Variants in WWOX observed in about 807,000 individuals in gnomAD.
WWOX encodes WW domain containing oxidoreductase, also known as WW domain-containing oxidoreductase.
A neutral mutation model predicts 46.2 loss-of-function variants in WWOX; 69 were observed. The observed-to-expected ratio is 1.49, with a 90% CI of 1.23 to 1.82. WWOX has a LOEUF of 1.82. Among genes scored for constraint, WWOX ranks in the 40% most tolerant of loss-of-function variants. The pLI, the probability that WWOX is intolerant of heterozygous loss-of-function variation, is 0.00. For missense variants in WWOX, 919 were observed against 542.6 expected, an observed-to-expected ratio of 1.69 and a Z score of -6.89; for synonymous variants, 359 against 202.6, an observed-to-expected ratio of 1.77 and a Z score of -6.56.
intron 5 of WWOX, among the ~76,000 whole-genome samples, chr16:78,352,872 G>GC (rs2081212396): frequency 6.6e-6 from 1 of 152,248 alleles, no homozygotes; most frequent in Non-Finnish European, 1.5e-5. Flanking sequence ...TTGAATATTG[G>GC]CTGTACAAAG....
chr16:78,432,133 T>A, intron 7 of WWOX, among the ~76,000 whole-genome samples: 1 of 152,050 alleles, frequency 6.6e-6, no homozygotes, highest in African/African-American at 2.4e-5. Context: ...TTTTTTTTTT[T>A]TTGAGACCGA....
intron 6 of WWOX, among the ~76,000 whole-genome samples, chr16:78,422,682 T>TATATATATATATATATATATAC (rs2082963498): frequency 2.7e-5 from 2 of 74,460 alleles, no homozygotes; most frequent in Admixed American, 1.5e-4. Context: ...TATATATATA[T>TATATATATATATATATATATAC]ATACACACAC....
chr16:79,037,319 A>G (rs2047887421), intron 8 of WWOX, among the ~76,000 whole-genome samples: 1 of 152,090 alleles, frequency 6.6e-6, no homozygotes, highest in Non-Finnish European at 1.5e-5. Flanking sequence ...GTGAAACCAG[A>G]ATGGTTTTGA....
intron 6 of WWOX, among the ~76,000 whole-genome samples, chr16:78,395,834 G>A (rs1424911994): frequency 6.6e-6 from 1 of 151,990 alleles, no homozygotes; most frequent in East Asian, 1.9e-4. Context: ...ATGGACCCAA[G>A]GATGCTTCAC....
chr16:79,083,991 T>G (rs779206479), intron 8 of WWOX, among the ~76,000 whole-genome samples: 2 of 152,222 alleles, frequency 1.3e-5, no homozygotes, highest in Non-Finnish European at 2.9e-5. Flanking sequence ...CCTTGTAGTT[T>G]CTGTGGGGGC....
At chr16:79,004,018 C>G (rs1376225645) in intron 8 of WWOX, 3 of 152,318 alleles carry the variant, frequency 2.0e-5, no homozygotes, top group Non-Finnish European at 4.4e-5. Flanking sequence ...TCCTTCAGGT[C>G]TACTGCAAGT....
chr16:78,820,023 A>G (rs1475585331), intron 8 of WWOX, among the ~76,000 whole-genome samples: 4 of 152,202 alleles, frequency 2.6e-5, no homozygotes, highest in Non-Finnish European at 5.9e-5. Flanking sequence ...ATGGAGGAAA[A>G]TAAAATAACT....
chr16:79,093,869 G>C (rs1476117655), intron 8 of WWOX, among the ~76,000 whole-genome samples: 1 of 152,222 alleles, frequency 6.6e-6, no homozygotes, highest in Non-Finnish European at 1.5e-5. Flanking sequence ...TCAGCCCAGA[G>C]TGGGCCTCAC....
intron 8 of WWOX, among the ~76,000 whole-genome samples, chr16:79,002,870 T>C (rs530693218): frequency 6.6e-6 from 1 of 152,328 alleles, no homozygotes; most frequent in Admixed American, 6.5e-5. Context: ...GGAAAATAAC[T>C]CCATGATGAA....
chr16:78,778,951 T>C (rs2050258930), intron 8 of WWOX, among the ~76,000 whole-genome samples: 1 of 152,136 alleles, frequency 6.6e-6, no homozygotes, highest in Non-Finnish European at 1.5e-5. Context: ...TTGGCAATAA[T>C]CTGTTTGATT....
intron 8 of WWOX, among the ~76,000 whole-genome samples, chr16:78,598,367 C>T (rs2151612961): frequency 6.6e-6 from 1 of 152,244 alleles, no homozygotes; most frequent in Middle Eastern, 3.4e-3. Flanking sequence ...TTGGAAAGCT[C>T]ATGTAGACTG....
intron 8 of WWOX, among the ~76,000 whole-genome samples, chr16:78,787,765 C>T (rs1340321303): frequency 1.3e-5 from 2 of 152,142 alleles, no homozygotes; most frequent in Non-Finnish European, 2.9e-5. Context: ...GGAGGCTGCA[C>T]CATTTTATAT....
chr16:78,232,292 TA>T (rs2037295321), intron 5 of WWOX, among the ~76,000 whole-genome samples: 1 of 152,210 alleles, frequency 6.6e-6, no homozygotes, highest in African/African-American at 2.4e-5. Context: ...ATTACAGCAG[TA>T]AGGATGGAAG....
chr16:78,293,847 G>A (rs1427854996), intron 5 of WWOX, among the ~76,000 whole-genome samples: 2 of 151,714 alleles, frequency 1.3e-5, no homozygotes, highest in East Asian at 1.9e-4. Flanking sequence ...GTGTTGTCAC[G>A]TGACTTTAAT....
chr16:78,890,044 C>G (rs946602735), intron 8 of WWOX, among the ~76,000 whole-genome samples: 1 of 151,960 alleles, frequency 6.6e-6, no homozygotes, highest in Admixed American at 6.6e-5. Context: ...CCAAGTGGCA[C>G]AAAAACATTG....
chr16:78,819,534 T>A (rs932348959), intron 8 of WWOX, among the ~76,000 whole-genome samples: 8 of 152,240 alleles, frequency 5.3e-5, no homozygotes, highest in Admixed American at 5.2e-4. Flanking sequence ...TGGGTGTAAA[T>A]GTGATGGCAG....
At chr16:78,658,391 C>G (rs2047129436) in intron 8 of WWOX, among the ~76,000 whole-genome samples, 2 of 152,116 alleles carry the variant, frequency 1.3e-5, no homozygotes, top group African/African-American at 4.8e-5. Flanking sequence ...TAATTTAATC[C>G]TCACAAGAAT....
chr16:79,092,608 T>C (rs529143535), intron 8 of WWOX, among the ~76,000 whole-genome samples: 2 of 152,326 alleles, frequency 1.3e-5, no homozygotes, highest in African/African-American at 4.8e-5. Context: ...TAGCCTGATC[T>C]GATTCATCTG....
chr16:78,742,651 G>A (rs981758052), intron 8 of WWOX, among the ~76,000 whole-genome samples: 2 of 152,144 alleles, frequency 1.3e-5, no homozygotes, highest in East Asian at 1.9e-4. Context: ...ACTCACTCGG[G>A]GCTAAAACTG....
Sources: allele counts gnomAD v4.1 joint callset (sites outside exome capture counted in the v4.1 genomes callset), GRCh38; gene constraint gnomAD v4.1.1; transcripts MANE v1.5; gene names NCBI Gene and HGNC (gene_info 2026-07-23, HGNC 2026-07-21).